THADA: variants seen among roughly 807,000 people sequenced by gnomAD.
THADA encodes THADA armadillo repeat containing.
THADA carries 213 observed loss-of-function variants against 219.8 expected under a neutral mutation model. The ratio of observed to expected loss-of-function variants is 0.97; its 90% CI spans 0.87 to 1.09. The LOEUF (loss-of-function observed/expected upper bound fraction) is 1.09. Ranked by LOEUF, THADA falls within the 50% of genes least tolerant of loss-of-function variation. The pLI is 0.00. For synonymous variants in THADA, 1,018 were observed against 828.9 expected (o/e 1.23, Z -3.92); for missense variants, 2,956 against 2,311.3 (o/e 1.28, Z -5.72).
intron 30 of THADA, among the ~76,000 whole-genome samples, chr2:43,336,818 G>A (rs1213164567): frequency 6.6e-6 from 1 of 152,162 alleles, no homozygotes; most frequent in African/African-American, 2.4e-5. Flanking sequence ...CCAATAGCAA[G>A]GGATACAAAC....
In THADA at chr2:43,553,073, T is replaced by C. The variant is rs78160872; in HGVS notation, c.2675-734A>G. On this transcript the variant is annotated intron_variant, in intron 17 of 37. Coordinates refer to ENST00000405975, the MANE Select transcript of THADA (RefSeq NM_022065.5). ...TGCTGCAGCATGTATCAATACTTCATTCCTTCCTATAGATGAATAATAGCT... is the reference window on the plus strand; with the variant it reads ...TGCTGCAGCATGTATCAATACTTCACTCCTTCCTATAGATGAATAATAGCT... Among the ~76,000 whole-genome samples, 139 of 152,348 alleles carry C rather than the reference T, an allele frequency of 9.1e-4. 1 individual carries two copies. In the East Asian group the frequency reaches 0.017, roughly 19 times the overall value.
intron 28 of THADA, among the ~76,000 whole-genome samples, chr2:43,403,978 T>C (rs1675201434): frequency 6.6e-6 from 1 of 152,162 alleles, no homozygotes; most frequent in South Asian, 2.1e-4. Flanking sequence ...TAATAGGCCA[T>C]CTCTAAAGGC....
Position 43,551,869 on chromosome 2 carries a change from G to A in THADA, c.2867C>T (p.Ser956Phe). ...AGACACCACAGTGGAAAGCCTGTAG[G>A]ACATCAAAAGGAGCTTCTCTACCAC... ...RPVVEKLLLMSYRLSTVVSPV... is the reference protein window; with the variant it reads ...RPVVEKLLLMFYRLSTVVSPV... The change falls in exon 19 of 38, where the codon TCC becomes TTC. Residue 956 changes from serine to phenylalanine, a missense_variant. Ser to Phe is a radical substitution (Grantham distance 155). Coordinates refer to ENST00000405975, the MANE Select transcript of THADA (RefSeq NM_022065.5). The A allele has an allele frequency of 6.2e-7, 1 of 1,613,832 alleles. No homozygotes were observed. Among genetic ancestry groups the A allele is most frequent in the Non-Finnish European group, 8.5e-7 (1 of 1,179,844 alleles).
At chr2:43,470,494 GATGA>G (rs374611991) in intron 26 of THADA, among the ~76,000 whole-genome samples, 1 of 152,058 alleles carries the variant, frequency 6.6e-6, no homozygotes, top group African/African-American at 2.4e-5. Flanking sequence ...CCTCTTAGAA[GATGA>G]ATGATTACAT....
At chr2:43,484,406 A>C (rs1686631307) in intron 26 of THADA, 1 of 169,198 alleles carries the variant, frequency 5.9e-6, no homozygotes, top group South Asian at 2.0e-4. Flanking sequence ...AGGGCTTTGA[A>C]TATAACTCTA....
intron 36 of THADA, among the ~76,000 whole-genome samples, chr2:43,271,571 T>C (rs911980831): frequency 1.3e-4 from 19 of 151,502 alleles, no homozygotes; most frequent in African/African-American, 4.1e-4. Flanking sequence ...TCTGAGAATA[T>C]AGCAGCAAAC....
intron 13 of THADA, 115 bp downstream of exon 13, chr2:43,571,592 T>C (rs1699307136): frequency 3.1e-6 from 3 of 955,472 alleles, no homozygotes; most frequent in Non-Finnish European, 4.7e-6. Context: ...TGAACAGATG[T>C]GGTAGCCCAA....
At chr2:43,493,601 A>T (rs2105042838) in intron 25 of THADA, among the ~76,000 whole-genome samples, 1 of 152,290 alleles carries the variant, frequency 6.6e-6, no homozygotes, top group Non-Finnish European at 1.5e-5. Flanking sequence ...CTGTTCTGCA[A>T]TGAGGATGAG....
chr2:43,480,743 G>A (rs1481374825), intron 26 of THADA, among the ~76,000 whole-genome samples: 4 of 151,604 alleles, frequency 2.6e-5, no homozygotes, highest in East Asian at 3.9e-4. Context: ...GCGTGAACCC[G>A]GGAGGCAGAG....
intron 35 of THADA, among the ~76,000 whole-genome samples, chr2:43,281,498 A>G (rs1291910584): frequency 6.3e-5 from 9 of 142,048 alleles, no homozygotes; most frequent in Non-Finnish European, 7.5e-5. Context: ...CTGGAGTGCA[A>G]TGGGGCAATC....
chr2:43,547,954 T>C (rs1281686858), intron 20 of THADA, among the ~76,000 whole-genome samples: 3 of 152,110 alleles, frequency 2.0e-5, no homozygotes, highest in Non-Finnish European at 4.4e-5. Context: ...CTTTTTAGAG[T>C]TTCCAGTTTT....
chr2:43,249,281 T>A (rs571208875), intron 36 of THADA, among the ~76,000 whole-genome samples: 2 of 152,232 alleles, frequency 1.3e-5, no homozygotes, highest in African/African-American at 4.8e-5. Flanking sequence ...GAGACAGGGT[T>A]TTTGCCATGT....
At chr2:43,252,859 G>A (rs1048298637) in intron 36 of THADA, among the ~76,000 whole-genome samples, 2 of 152,126 alleles carry the variant, frequency 1.3e-5, no homozygotes, top group Non-Finnish European at 2.9e-5. Context: ...ATAAACTCAC[G>A]CTGTTTAATC....
At chr2:43,562,820 T>C (rs1417219407) in intron 15 of THADA, 1 of 152,228 alleles carries the variant, frequency 6.6e-6, no homozygotes, top group African/African-American at 2.4e-5. Context: ...TTCTAGAAAC[T>C]TGTCCATTTC....
At chr2:43,590,264 G>A (rs1224511843) in intron 4 of THADA, among the ~76,000 whole-genome samples, 3 of 152,132 alleles carry the variant, frequency 2.0e-5, no homozygotes, top group African/African-American at 4.8e-5. Context: ...GGAAAAAACA[G>A]CAAGATGACA....
intron 4 of THADA, among the ~76,000 whole-genome samples, chr2:43,589,621 A>C (rs1207249420): frequency 2.6e-5 from 4 of 152,206 alleles, no homozygotes; most frequent in African/African-American, 9.6e-5. Context: ...TCATAAGTGG[A>C]AGCTTATCTA....
chr2:43,388,304 G>A (rs1470704350), intron 29 of THADA, among the ~76,000 whole-genome samples: 2 of 152,116 alleles, frequency 1.3e-5, no homozygotes, highest in Non-Finnish European at 2.9e-5. Context: ...ACGGTGAGAT[G>A]TTTTGTTGTG....
chr2:43,499,181 T>G (rs1043396979), intron 24 of THADA, among the ~76,000 whole-genome samples: 2 of 152,174 alleles, frequency 1.3e-5, no homozygotes, highest in African/African-American at 4.8e-5. Context: ...TTTGATCCAA[T>G]GGACATATGT....
At chr2:43,434,761 G>A (rs548140273) in intron 26 of THADA, among the ~76,000 whole-genome samples, 3 of 152,162 alleles carry the variant, frequency 2.0e-5, no homozygotes, top group African/African-American at 7.2e-5. Flanking sequence ...CCAAGCCTAC[G>A]TGTGATCAAA....
Sources: gnomAD v4.1 joint callset for allele counts (sites outside exome capture counted in the v4.1 genomes callset) on GRCh38, gnomAD v4.1.1 for gene constraint, MANE v1.5 for transcripts, NCBI Gene and HGNC (gene_info 2026-07-23, HGNC 2026-07-21) for gene names.